SDCCAG8: variants seen among roughly 807,000 people sequenced by gnomAD.
The protein encoded by SDCCAG8 is SHH signaling and ciliogenesis regulator SDCCAG8.
Under a neutral mutation model 101.8 loss-of-function variants are expected in SDCCAG8, and 74 were observed. The observed-to-expected ratio is 0.73, with a 90% CI of 0.60 to 0.88. The LOEUF is 0.88. SDCCAG8 is among the 40% of genes least tolerant of loss of function. The pLI, the probability that SDCCAG8 is intolerant of heterozygous loss-of-function variation, is 0.00. For missense variants in SDCCAG8, 787 were observed against 822.6 expected (o/e 0.96, Z 0.53); for synonymous variants, 281 against 292.9 (o/e 0.96, Z 0.41).
chr1:243,270,478 T>C (rs1281585957), intron 2 of SDCCAG8, among the ~76,000 whole-genome samples: 1 of 152,238 alleles, frequency 6.6e-6, no homozygotes, highest in Non-Finnish European at 1.5e-5. Context: ...AGTGTTTTCC[T>C]AAGATAGCTC....
chr1:243,346,806 G>A (rs1573461161), intron 12 of SDCCAG8, among the ~76,000 whole-genome samples: 1 of 152,296 alleles, frequency 6.6e-6, no homozygotes, highest in South Asian at 2.1e-4. Context: ...ATTTGGTATG[G>A]AGGAGAATGT....
intron 16 of SDCCAG8, among the ~76,000 whole-genome samples, chr1:243,446,807 G>GTTGGGGCTGC (rs1473556363): frequency 6.6e-6 from 1 of 152,120 alleles, no homozygotes; most frequent in East Asian, 1.9e-4. Context: ...CTGCTGCCCA[G>GTTGGGGCTGC]TTGGGGCTGC....
chr1:243,431,122 G>C (rs564135157), intron 16 of SDCCAG8, among the ~76,000 whole-genome samples: 40 of 152,128 alleles, frequency 2.6e-4, no homozygotes, highest in Non-Finnish European at 5.3e-4. Context: ...ACTTGAACCC[G>C]GGAGGCGGAG....
intron 13 of SDCCAG8, among the ~76,000 whole-genome samples, chr1:243,394,055 C>G (rs1257087713): frequency 1.3e-5 from 2 of 152,160 alleles, no homozygotes; most frequent in East Asian, 3.8e-4. Context: ...AGTCGTGGTT[C>G]TTGAAGTATA....
chr1:243,494,530 C>A (rs967680870), intron 17 of SDCCAG8, among the ~76,000 whole-genome samples: 2 of 152,164 alleles, frequency 1.3e-5, no homozygotes, highest in Admixed American at 6.5e-5. Context: ...CCCCAAACAC[C>A]TCCAACAGCA....
chr1:243,422,497 CTTTTAGTGTAGT>C (rs1390017944), intron 15 of SDCCAG8, among the ~76,000 whole-genome samples: 2 of 152,152 alleles, frequency 1.3e-5, no homozygotes, highest in East Asian at 3.9e-4. Flanking sequence ...TGTTAAATGA[CTTTTAGTGTAGT>C]TTTACTGTGT....
rs202206654 is a variant in SDCCAG8, at chr1:243,259,324, A to G, written c.67+3084A>G. 1.8e-3 allele frequency among the ~76,000 whole-genome samples: 273 copies of G among 149,900 alleles called. 1 individual carries two copies. The highest frequency in any genetic ancestry group is 0.018 in the East Asian group (89 of 4,918). On this transcript the variant is annotated intron_variant, in intron 1 of 17. Coordinates refer to ENST00000366541, the MANE Select transcript of SDCCAG8 (RefSeq NM_006642.5). ...CAGGAGGCTGAGGCAGGAGAATGGC[A>G]TGAACCCAGGAGGTGGAGCTTGCAG...
chr1:243,419,108 C>A (rs1312777874), intron 15 of SDCCAG8, among the ~76,000 whole-genome samples: 10 of 152,104 alleles, frequency 6.6e-5, no homozygotes, highest in Non-Finnish European at 1.5e-5. Context: ...GAACCCCCAT[C>A]CCTGAATCTT....
intron 12 of SDCCAG8, among the ~76,000 whole-genome samples, chr1:243,345,279 A>C (rs2075637234): frequency 6.6e-6 from 1 of 152,226 alleles, no homozygotes; most frequent in Non-Finnish European, 1.5e-5. Flanking sequence ...GAAAGTGATA[A>C]TGAAGACTAG....
At position 243,368,273 on chromosome 1, in the gene SDCCAG8, C is replaced by T. The variant is rs138463295; in HGVS notation, c.1474-10448C>T. Among the ~76,000 whole-genome samples, 4 of 151,316 alleles carry T rather than the reference C, an allele frequency of 2.6e-5. No homozygotes were observed. In the East Asian group the frequency reaches 5.8e-4, roughly 22 times the overall value. On this transcript the variant is annotated intron_variant, in intron 12 of 17. Transcript: ENST00000366541. The stretch of plus-strand genomic sequence containing the variant: ...AGGGCCAAACTGTTACTTTTTTGAG[C>T]CTTTCTTTCTTTAGAAATCATAACA...
At chr1:243,301,810 A>T (rs1357457780) in intron 6 of SDCCAG8, among the ~76,000 whole-genome samples, 2 of 152,268 alleles carry the variant, frequency 1.3e-5, no homozygotes, top group African/African-American at 4.8e-5. Context: ...AGTAAAGGAT[A>T]TAAAGCTGGA....
intron 8 of SDCCAG8, among the ~76,000 whole-genome samples, chr1:243,309,628 C>A (rs912103667): frequency 6.6e-6 from 1 of 152,180 alleles, no homozygotes; most frequent in African/African-American, 2.4e-5. Context: ...CCTCAGCTTC[C>A]TGAGTAACTG....
At position 243,474,077 on chromosome 1, in the gene SDCCAG8, G is replaced by A. The variant is rs1230113835; in HGVS notation, c.1986-14937G>A. Among the ~76,000 whole-genome samples, 1 of 151,604 alleles carries A rather than the reference G, an allele frequency of 6.6e-6. No homozygotes were observed. The highest frequency in any genetic ancestry group is 2.4e-5 in the African/African-American group (1 of 41,260). ...TATTAGCCAAGATTTTTTTTTTCCT[G>A]TTTATTAAAATTTGAGTCCTTCATG... On this transcript the variant is annotated intron_variant, in intron 16 of 17. Coordinates refer to ENST00000366541, the MANE Select transcript of SDCCAG8 (RefSeq NM_006642.5). The surrounding 1 kb of genome is among the most constrained non-coding windows in gnomAD (Gnocchi z 4.7).
intron 1 of SDCCAG8, among the ~76,000 whole-genome samples, chr1:243,256,819 A>G (rs1376762014): frequency 6.6e-6 from 1 of 152,238 alleles, no homozygotes; most frequent in Non-Finnish European, 1.5e-5. Context: ...TTAGTTGCAG[A>G]GCCAGGTATT....
At chr1:243,366,249 T>C (rs1236491570) in intron 12 of SDCCAG8, among the ~76,000 whole-genome samples, 3 of 151,612 alleles carry the variant, frequency 2.0e-5, no homozygotes, top group Non-Finnish European at 4.4e-5. Flanking sequence ...AAAGCATCTG[T>C]ATCTTATTTG....
chr1:243,257,848 T>C (rs992638382), intron 1 of SDCCAG8, among the ~76,000 whole-genome samples: 17 of 152,206 alleles, frequency 1.1e-4, no homozygotes, highest in Non-Finnish European at 2.2e-4. Context: ...ATATGAGTAA[T>C]TGTAATTTTT....
intron 13 of SDCCAG8, among the ~76,000 whole-genome samples, chr1:243,386,423 C>T (rs781752157): frequency 1.3e-5 from 2 of 152,066 alleles, no homozygotes; most frequent in African/African-American, 2.4e-5. Context: ...TTCTTCCGGC[C>T]GGGCGCGGTG....
At chr1:243,491,453 T>C (rs1212989496) in intron 17 of SDCCAG8, among the ~76,000 whole-genome samples, 3 of 152,212 alleles carry the variant, frequency 2.0e-5, no homozygotes, top group South Asian at 2.1e-4. Context: ...AATATGAACA[T>C]GACAAAAGAA....
chr1:243,411,540 G>A (rs2080176421), intron 13 of SDCCAG8, among the ~76,000 whole-genome samples: 1 of 152,150 alleles, frequency 6.6e-6, no homozygotes. Flanking sequence ...TCATAACATA[G>A]AAGAACATTT....
Sources: allele counts gnomAD v4.1 joint callset (sites outside exome capture counted in the v4.1 genomes callset), GRCh38; gene constraint gnomAD v4.1.1; non-coding constraint Gnocchi (gnomAD v3.1); transcripts MANE v1.5; gene names NCBI Gene and HGNC (gene_info 2026-07-23, HGNC 2026-07-21).